Variants in ZNF366 observed in about 807,000 individuals in gnomAD.
The protein encoded by ZNF366 is zinc finger protein 366.
ZNF366 carries 20 observed loss-of-function variants against 47.2 expected under a neutral mutation model. The ratio of observed to expected loss-of-function variants is 0.42; its 90% CI spans 0.30 to 0.62. The LOEUF (loss-of-function observed/expected upper bound fraction) is 0.62, where lower values mean the gene tolerates loss of function less well. Ranked by LOEUF, ZNF366 falls within the 20% of genes least tolerant of loss-of-function variation. ZNF366 has a pLI of 0.16. For missense variants in ZNF366, 987 were observed against 976.3 expected (o/e 1.01, Z -0.15); for synonymous variants, 421 against 395.1 (o/e 1.07, Z -0.78).
chr5:72,454,850 A>AAG (rs1177531447), intron 3 of ZNF366, among the ~76,000 whole-genome samples: 1 of 152,150 alleles, frequency 6.6e-6, no homozygotes, highest in Non-Finnish European at 1.5e-5. Flanking sequence ...GAAGTCCCTA[A>AAG]AGAGAGAGAG....
At chr5:72,488,618 A>G (rs1743944104) in intron 1 of ZNF366, among the ~76,000 whole-genome samples, 1 of 152,218 alleles carries the variant, frequency 6.6e-6, no homozygotes, top group Non-Finnish European at 1.5e-5. Context: ...TTGAAGGAGA[A>G]TTGAAGTGGG....
At position 72,460,091 on chromosome 5, in the gene ZNF366, C is replaced by T. The variant is rs909666875; in HGVS notation, c.1332+74G>A. ...GGTGCAGAGCGGCACAGGCGTCCTGCTCCCCAGTGCTCTGCTCAGGGCCCC... is the reference window on the plus strand; with the variant it reads ...GGTGCAGAGCGGCACAGGCGTCCTGTTCCCCAGTGCTCTGCTCAGGGCCCC... On this transcript the variant is annotated intron_variant, in intron 2 of 4. Transcript: ENST00000318442. 3 of 1,537,432 alleles carry T rather than the reference C, an allele frequency of 2.0e-6. No homozygotes were observed. The African/African-American group carries it at 4.1e-5, about 21-fold the overall frequency.
intron 3 of ZNF366, among the ~76,000 whole-genome samples, chr5:72,455,896 C>T (rs909144641): frequency 6.6e-6 from 1 of 152,104 alleles, no homozygotes; most frequent in Non-Finnish European, 1.5e-5. Flanking sequence ...CTCTAGGAGG[C>T]CTGCCCTCAA....
At chr5:72,470,280 A>G (rs1464903389) in intron 1 of ZNF366, among the ~76,000 whole-genome samples, 2 of 152,186 alleles carry the variant, frequency 1.3e-5, no homozygotes, top group Non-Finnish European at 2.9e-5. Context: ...GCCCCACCAG[A>G]TGCTGCTCTC....
At chr5:72,467,723 T>TA (rs1743462606) in intron 1 of ZNF366, among the ~76,000 whole-genome samples, 1 of 152,220 alleles carries the variant, frequency 6.6e-6, no homozygotes, top group South Asian at 2.1e-4. Flanking sequence ...ATGAACTCTT[T>TA]ATTCCTTGAA....
chr5:72,460,402 G>T lies in ZNF366; in HGVS notation c.1095C>A (p.Asn365Lys), dbSNP rs952289338. The change falls in exon 2 of 5, where the codon AAC becomes AAA. Residue 365 changes from asparagine to lysine, a missense_variant. Asn to Lys is a moderately conservative substitution (Grantham distance 94). This residue lies in a region of ZNF366 where 591 missense variants were observed against 560.9 expected (regional missense o/e 1.05). Coordinates refer to ENST00000318442, the MANE Select transcript of ZNF366 (RefSeq NM_152625.3). ...AGTCGAGGCCGCACTCCACACAGAT[G>T]TTCTCGCGCCCACTGGCGTGCTTGG... ...HEAKHASGRENICVECGLDFP... is the reference protein window; with the variant it reads ...HEAKHASGREKICVECGLDFP... 33 of 1,614,122 alleles carry T rather than the reference G, an allele frequency of 2.0e-5. No homozygotes were observed. The highest frequency in any genetic ancestry group is 2.8e-5 in the Non-Finnish European group (33 of 1,180,054).
chr5:72,447,251 T>G lies in ZNF366; in HGVS notation c.1691A>C (p.His564Pro), dbSNP rs766770817. Residue 564 changes from histidine to proline, a missense_variant, in exon 4 of 5, where the codon CAT (histidine) becomes CCT (proline). Physicochemically the swap from His to Pro is moderately conservative, Grantham distance 77 (BLOSUM62 -2). Transcript: ENST00000318442. ...CCCAGAAGAGTGATTACCTTGGGAA[T>G]GAAGGCCCCGCTCCATGACTCCATG... ...VKHGVMERGLHSQGLGRGRIA... is the reference protein window; with the variant it reads ...VKHGVMERGLPSQGLGRGRIA... 5 of 1,614,138 alleles carry G rather than the reference T, an allele frequency of 3.1e-6. No homozygotes were observed. The South Asian group carries it at 4.4e-5, about 14-fold the overall frequency.
chr5:72,460,598 A>G lies in ZNF366; in HGVS notation c.899T>C (p.Met300Thr). 1 of 1,614,126 alleles carries G rather than the reference A, an allele frequency of 6.2e-7. No homozygotes were observed. Among genetic ancestry groups the G allele is most frequent in the Admixed American group, 1.7e-5 (1 of 60,034 alleles). Residue 300 changes from methionine (M) to threonine (T), a missense_variant, in exon 2 of 5, where the codon ATG (methionine) becomes ACG (threonine). By Grantham distance (81) the Met-to-Thr change is moderately conservative. Around this residue, in one of 3 missense-constraint regions of ZNF366, gnomAD observed 591 missense variants for 560.9 expected, o/e 1.05. Transcript: ENST00000318442. ...FKQLSHLHTH[M>T]LTHQGTRPHK... The stretch of plus-strand genomic sequence containing the variant: ...GGGCCGCGTGCCCTGGTGGGTCAGC[A>G]TGTGGGTATGCAGGTGGCTGAGCTG...
At chr5:72,455,986 T>C (rs1300755941) in intron 3 of ZNF366, among the ~76,000 whole-genome samples, 1 of 152,174 alleles carries the variant, frequency 6.6e-6, no homozygotes, top group Non-Finnish European at 1.5e-5. Context: ...GAAGCTGTGC[T>C]AGAAGCTTCT....
chr5:72,465,556 A>G (rs1743412499), intron 1 of ZNF366, among the ~76,000 whole-genome samples: 1 of 152,150 alleles, frequency 6.6e-6, no homozygotes, highest in Non-Finnish European at 1.5e-5. Context: ...GCACCCATAA[A>G]ACTGACAGGA....
chr5:72,449,409 T>C (rs1321061816), intron 3 of ZNF366, among the ~76,000 whole-genome samples: 1 of 152,180 alleles, frequency 6.6e-6, no homozygotes, highest in East Asian at 1.9e-4. Context: ...AATTTTTGTA[T>C]TTTTAGTAGA....
chr5:72,448,003 C>T (rs1342848848), intron 3 of ZNF366, among the ~76,000 whole-genome samples: 2 of 152,188 alleles, frequency 1.3e-5, no homozygotes, highest in African/African-American at 4.8e-5. Context: ...CCAGACCATA[C>T]TGTGCGTCTC....
At chr5:72,505,285 C>T (rs903387800) in intron 1 of ZNF366, among the ~76,000 whole-genome samples, 4 of 152,118 alleles carry the variant, frequency 2.6e-5, no homozygotes, top group East Asian at 1.9e-4. Flanking sequence ...GTAGTGACTT[C>T]GATGAAACTA....
chr5:72,487,932 G>A (rs1743923770), intron 1 of ZNF366, among the ~76,000 whole-genome samples: 1 of 152,162 alleles, frequency 6.6e-6, no homozygotes, highest in Non-Finnish European at 1.5e-5. Flanking sequence ...GGTACTGGGT[G>A]CGGTGGCTCA....
intron 1 of ZNF366, among the ~76,000 whole-genome samples, chr5:72,497,637 T>C (rs1744140526): frequency 6.6e-6 from 1 of 152,172 alleles, no homozygotes; most frequent in Non-Finnish European, 1.5e-5. Context: ...ACATCTTATT[T>C]ATATAGGATA....
intron 1 of ZNF366, among the ~76,000 whole-genome samples, chr5:72,481,354 C>T (rs1014496634): frequency 1.3e-5 from 2 of 151,824 alleles, no homozygotes; most frequent in African/African-American, 4.8e-5. Flanking sequence ...ATAATACTAC[C>T]ACCAAGAGTT....
intron 1 of ZNF366, among the ~76,000 whole-genome samples, chr5:72,478,262 T>G (rs1743716365): frequency 7.0e-6 from 1 of 143,524 alleles, no homozygotes; most frequent in Non-Finnish European, 1.6e-5. Flanking sequence ...TTCAGTGTCT[T>G]GATATACCAC....
rs747927269 is a variant in ZNF366, at chr5:72,461,162, A to C, written c.335T>G (p.Leu112Arg). 2 of 1,613,856 alleles carry C rather than the reference A, an allele frequency of 1.2e-6. No homozygotes were observed. The highest frequency in any genetic ancestry group is 2.2e-5 in the South Asian group (2 of 91,064). Residue 112 changes from leucine (L) to arginine (R), a missense_variant, in exon 2 of 5, where the codon CTC becomes CGC. Physicochemically the swap from Leu to Arg is moderately radical, Grantham distance 102 (BLOSUM62 -2). Around this residue, in one of 3 missense-constraint regions of ZNF366, gnomAD observed 591 missense variants for 560.9 expected, o/e 1.05. Coordinates refer to ENST00000318442, the MANE Select transcript of ZNF366 (RefSeq NM_152625.3). ...EENKNHGLPNLPLLFPQPPRP... is the reference protein window; with the variant it reads ...EENKNHGLPNRPLLFPQPPRP... ...CGGGGGCTGCGGGAACAGCAAAGGGAGGTTGGGAAGGCCGTGGTTTTTGTT... is the reference window on the plus strand; with the variant it reads ...CGGGGGCTGCGGGAACAGCAAAGGGCGGTTGGGAAGGCCGTGGTTTTTGTT...
intron 1 of ZNF366, among the ~76,000 whole-genome samples, chr5:72,497,822 CAT>C (rs1273661738): frequency 6.6e-6 from 1 of 152,108 alleles, no homozygotes. Context: ...ATTGGTATCT[CAT>C]AGTTTTAATT....
Sources: allele counts gnomAD v4.1 joint callset (sites outside exome capture counted in the v4.1 genomes callset), GRCh38; gene constraint gnomAD v4.1.1; regional missense constraint gnomAD v4.1.1; transcripts MANE v1.5; gene names NCBI Gene and HGNC (gene_info 2026-07-23, HGNC 2026-07-21).